The following C8orf34 variants were observed in gnomAD, a reference collection of about 807,000 sequenced individuals.
C8orf34 encodes the protein uncharacterized protein C8orf34.
C8orf34 carries 65 observed loss-of-function variants against 68.3 expected under a neutral mutation model. That is an observed-to-expected ratio of 0.95 (90% CI 0.78 to 1.17). C8orf34 has a LOEUF of 1.17. Ranked by LOEUF, C8orf34 falls within the 50% of genes most tolerant of loss-of-function variation. C8orf34 has a pLI of 0.00. For missense variants in C8orf34, 664 were observed against 655.4 expected, an observed-to-expected ratio of 1.01 and a Z score of -0.14; for synonymous variants, 244 against 241.2, an observed-to-expected ratio of 1.01 and a Z score of -0.11.
chr8:68,807,147 T>C (rs933768896), intron 12 of C8orf34, among the ~76,000 whole-genome samples: 1 of 152,130 alleles, frequency 6.6e-6, no homozygotes, highest in African/African-American at 2.4e-5. Flanking sequence ...GTTCCTTAAG[T>C]CCTAAGCTTG....
chr8:68,777,692 A>T (rs2129528655), intron 11 of C8orf34, among the ~76,000 whole-genome samples: 1 of 152,316 alleles, frequency 6.6e-6, no homozygotes, highest in African/African-American at 2.4e-5. Flanking sequence ...GCTCTGCCAT[A>T]AAGTGTCTTT....
intron 8 of C8orf34, among the ~76,000 whole-genome samples, chr8:68,670,643 C>T (rs567503723): frequency 5.3e-5 from 8 of 152,082 alleles, no homozygotes; most frequent in African/African-American, 1.7e-4. Context: ...CATTTACTGT[C>T]CCCTTGCAAT....
chr8:68,607,143 T>C (rs143468031), intron 7 of C8orf34, among the ~76,000 whole-genome samples: 5 of 152,228 alleles, frequency 3.3e-5, no homozygotes, highest in African/African-American at 4.8e-5. Context: ...GCTTTGTTCA[T>C]CGAAAAAAGA....
At chr8:68,380,180 C>T (rs554321749) in intron 1 of C8orf34, among the ~76,000 whole-genome samples, 1 of 152,288 alleles carries the variant, frequency 6.6e-6, no homozygotes, top group South Asian at 2.1e-4. Flanking sequence ...GCATGTTAAT[C>T]CCAGGCTCTG....
At chr8:68,577,718 C>A (rs1260126082) in intron 7 of C8orf34, among the ~76,000 whole-genome samples, 5 of 151,496 alleles carry the variant, frequency 3.3e-5, no homozygotes, top group African/African-American at 1.2e-4. Context: ...TATAAGTAAA[C>A]CCCACACAAG....
intron 1 of C8orf34, among the ~76,000 whole-genome samples, chr8:68,401,637 CAT>C (rs1808960111): frequency 4.8e-5 from 1 of 20,764 alleles, no homozygotes. Context: ...GCCTTTTCTT[CAT>C]CTCTTGAAAT....
At chr8:68,727,193 C>A (rs1821855825) in intron 10 of C8orf34, among the ~76,000 whole-genome samples, 1 of 152,036 alleles carries the variant, frequency 6.6e-6, no homozygotes, top group Non-Finnish European at 1.5e-5. Flanking sequence ...AGAAATTGGT[C>A]AAAACAAAGG....
At chr8:68,642,826 T>A (rs930407770) in intron 8 of C8orf34, among the ~76,000 whole-genome samples, 1 of 152,150 alleles carries the variant, frequency 6.6e-6, no homozygotes, top group African/African-American at 2.4e-5. Flanking sequence ...CATGGATGGT[T>A]GATAGGGTGG....
At chr8:68,807,598 T>C (rs568994350) in intron 12 of C8orf34, among the ~76,000 whole-genome samples, 21 of 152,312 alleles carry the variant, frequency 1.4e-4, no homozygotes, top group African/African-American at 5.0e-4. Context: ...CATTATGTGA[T>C]TCCTGTGGGT....
chr8:68,818,490 G>C lies in C8orf34; in HGVS notation c.*244G>C, dbSNP rs1469695921. ...TGCCTTTTGACATGGTTAGAGTCCT[G>C]GGTTTAGATTACTTTATAAATAGTT... On this transcript the variant is annotated 3_prime_UTR_variant, in exon 14 of 14. Coordinates refer to ENST00000518698, the MANE Select transcript of C8orf34 (RefSeq NM_052958.4). The C allele has an allele frequency of 2.3e-6, 1 of 443,252 alleles. No individual in the cohort carries two copies. Among genetic ancestry groups the C allele is most frequent in the East Asian group, 3.4e-5 (1 of 29,410 alleles). The allele number at this position is 443,252 out of a possible 1,614,324, so 27.5% of individuals were successfully genotyped here. A position where few individuals can be genotyped will look rare whatever the true frequency, so the allele number is the denominator to read the frequency against.
At chr8:68,372,679 G>A (rs1433490842) in intron 1 of C8orf34, among the ~76,000 whole-genome samples, 10 of 152,136 alleles carry the variant, frequency 6.6e-5, no homozygotes, top group Admixed American at 6.5e-4. Context: ...GTATACACGT[G>A]CTGTGGTGGT....
At chr8:68,616,976 A>G (rs1286268539) in intron 7 of C8orf34, among the ~76,000 whole-genome samples, 1 of 152,178 alleles carries the variant, frequency 6.6e-6, no homozygotes, top group Non-Finnish European at 1.5e-5. Flanking sequence ...GTGTTCCTGT[A>G]TTGGGTGCAT....
chr8:68,648,991 A>G (rs1819262509), intron 8 of C8orf34, among the ~76,000 whole-genome samples: 1 of 152,152 alleles, frequency 6.6e-6, no homozygotes, highest in African/African-American at 2.4e-5. Context: ...AAATAACCAT[A>G]CATTGTATTT....
chr8:68,741,208 G>A (rs574488124), intron 10 of C8orf34, among the ~76,000 whole-genome samples: 1 of 152,164 alleles, frequency 6.6e-6, no homozygotes, highest in East Asian at 1.9e-4. Context: ...ACCTGCACAT[G>A]TACCCCTGAA....
chr8:68,584,390 T>G (rs1817148469), intron 7 of C8orf34, among the ~76,000 whole-genome samples: 1 of 152,164 alleles, frequency 6.6e-6, no homozygotes, highest in Non-Finnish European at 1.5e-5. Flanking sequence ...GGATATCCAC[T>G]CTCCTCAGTA....
chr8:68,471,925 A>AACACACACACACACACACAC (rs10596354), intron 4 of C8orf34, among the ~76,000 whole-genome samples: 4 of 147,460 alleles, frequency 2.7e-5, no homozygotes, highest in African/African-American at 1.0e-4. Context: ...GACTTAAATG[A>AACACACACACACACACACAC]ACACACACAC....
At chr8:68,771,476 G>T (rs1008006417) in intron 10 of C8orf34, among the ~76,000 whole-genome samples, 39 of 152,204 alleles carry the variant, frequency 2.6e-4, no homozygotes, top group African/African-American at 7.5e-4. Flanking sequence ...TGTATCTGAA[G>T]ATACAGCACA....
intron 8 of C8orf34, among the ~76,000 whole-genome samples, chr8:68,646,438 C>T (rs1819174925): frequency 6.6e-6 from 1 of 151,892 alleles, no homozygotes; most frequent in Non-Finnish European, 1.5e-5. Context: ...GTTAACAAAT[C>T]CACCACCAAT....
chr8:68,779,348 T>C (rs1235788879), intron 11 of C8orf34, among the ~76,000 whole-genome samples: 6 of 152,170 alleles, frequency 3.9e-5, no homozygotes, highest in African/African-American at 1.2e-4. Context: ...ATTCAAATGA[T>C]TGAGAAGCCG....
Sources: gnomAD v4.1 joint callset for allele counts (sites outside exome capture counted in the v4.1 genomes callset) on GRCh38, gnomAD v4.1.1 for gene constraint, MANE v1.5 for transcripts, NCBI Gene and HGNC (gene_info 2026-07-23, HGNC 2026-07-21) for gene names.